PGBD5: variants seen among roughly 807,000 people sequenced by gnomAD.
PGBD5 encodes piggyBac transposable element-derived protein 5.
In PGBD5, 14 loss-of-function variants were observed where a neutral mutation model predicts 47.9. The observed-to-expected ratio is 0.29, with a 90% CI of 0.19 to 0.46. PGBD5 has a LOEUF of 0.46. PGBD5 is among the 20% of genes least tolerant of loss of function. The pLI, the probability that PGBD5 is intolerant of heterozygous loss-of-function variation, is 1.00. For missense variants in PGBD5, 635 were observed against 716.0 expected, an observed-to-expected ratio of 0.89 and a Z score of 1.29; for synonymous variants, 316 against 306.3, an observed-to-expected ratio of 1.03 and a Z score of -0.33.
intron 1 of PGBD5, among the ~76,000 whole-genome samples, chr1:230,389,195 C>T (rs376455814): frequency 1.8e-4 from 27 of 146,460 alleles, no homozygotes; most frequent in African/African-American, 5.8e-4. Flanking sequence ...TTTTTTGATA[C>T]GGAGTTTCAC....
At chr1:230,386,774 A>T (rs896288897) in intron 1 of PGBD5, among the ~76,000 whole-genome samples, 1 of 152,194 alleles carries the variant, frequency 6.6e-6, no homozygotes, top group African/African-American at 2.4e-5. Flanking sequence ...ATATATTTAG[A>T]CATTATCTCT....
At position 230,318,149 on chromosome 1, in the gene PGBD5, T is replaced by C. The variant is rs1046076643; in HGVS notation, c.*5276A>G. The stretch of plus-strand genomic sequence containing the variant: ...AGGGAGGGACACAGAGATGGCTAAA[T>C]GGCAGCGAGCTGCGTGGCCAGAGGG... On this transcript the variant is annotated 3_prime_UTR_variant, in exon 7 of 7. Transcript: ENST00000391860. 1 of 152,284 alleles carries C rather than the reference T, an allele frequency of 6.6e-6. No individual in the cohort carries two copies. The highest frequency in any genetic ancestry group is 2.4e-5 in the African/African-American group (1 of 41,462). 9.4% of individuals were successfully genotyped at this position (152,284 alleles called of 1,614,324 possible).
intron 1 of PGBD5, among the ~76,000 whole-genome samples, chr1:230,415,204 G>A (rs2102752370): frequency 6.6e-6 from 1 of 151,896 alleles, no homozygotes; most frequent in East Asian, 1.9e-4. Flanking sequence ...GAGCCCAGGA[G>A]TTCAAGGCTG....
chr1:230,401,502 C>T (rs981684217), intron 1 of PGBD5, among the ~76,000 whole-genome samples: 5 of 152,182 alleles, frequency 3.3e-5, no homozygotes, highest in African/African-American at 1.2e-4. Context: ...ATCCGAGAAA[C>T]GACCCTTGAG....
At chr1:230,385,315 T>A (rs890158604) in intron 1 of PGBD5, among the ~76,000 whole-genome samples, 1 of 152,250 alleles carries the variant, frequency 6.6e-6, no homozygotes, top group African/African-American at 2.4e-5. Context: ...AGTAATTGCC[T>A]TGTTTTTTAA....
At chr1:230,335,774 G>C (rs1174951911) in intron 4 of PGBD5, among the ~76,000 whole-genome samples, 16 of 214 alleles carry the variant, frequency 0.075, 2 homozygotes, top group African/African-American at 0.16. Flanking sequence ...GATACAGACA[G>C]ACACACACAC....
intron 2 of PGBD5, among the ~76,000 whole-genome samples, chr1:230,355,484 C>A (rs1426749591): frequency 6.6e-6 from 1 of 152,230 alleles, no homozygotes; most frequent in East Asian, 1.9e-4. Context: ...TGCATCCAGG[C>A]AATCGTCTCT....
At position 230,323,415 on chromosome 1, in the gene PGBD5, G is replaced by GCCC. The variant is rs761903194; in HGVS notation, c.*7_*9dup. On this transcript the variant is annotated 3_prime_UTR_variant, in exon 7 of 7. Transcript: ENST00000391860. This position sits in a 1 kb window ranked among gnomAD's most constrained non-coding sequence, Gnocchi z 4.1. Reference sequence around the variant, plus strand: ...TGCCCCTCCCTTGACCGAGTCCTGCGCCCCCAGCATCAGTGGGTCGGAGAG... The same window carrying GCCC: ...TGCCCCTCCCTTGACCGAGTCCTGCGCCCCCCCCAGCATCAGTGGGTCGGAGAG... The GCCC allele has an allele frequency of 6.2e-7, 1 of 1,610,474 alleles. No individual in the cohort carries two copies. Among genetic ancestry groups the GCCC allele is most frequent in the East Asian group, 2.2e-5 (1 of 44,852 alleles).
chr1:230,327,791 A>G (rs10864742), intron 5 of PGBD5, among the ~76,000 whole-genome samples: 125,071 of 152,260 alleles, frequency 0.82, 51,507 homozygotes, highest in East Asian at 0.91. Context: ...CCTCCTGAGG[A>G]TTCCTGTCCC....
intron 5 of PGBD5, among the ~76,000 whole-genome samples, chr1:230,330,203 G>A (rs1218046977): frequency 3.3e-5 from 5 of 152,104 alleles, no homozygotes; most frequent in Non-Finnish European, 5.9e-5. Context: ...TAAAATCTGG[G>A]GGCATCTTCA....
intron 1 of PGBD5, among the ~76,000 whole-genome samples, chr1:230,396,559 G>GCCCCCCCC (rs61206058): frequency 8.5e-4 from 100 of 117,534 alleles, no homozygotes; most frequent in African/African-American, 1.5e-3. Flanking sequence ...ACATTTTGTT[G>GCCCCCCCC]CCCCCCCTCC....
rs900112981 is a variant in PGBD5 at position 230,317,486 on chromosome 1, A to G, written c.*5939T>C. On this transcript the variant is annotated 3_prime_UTR_variant, in exon 7 of 7. Transcript: ENST00000391860. Reference sequence around the variant, plus strand: ...AAATGCTCCATGTGCATTAACTGTCACTCTTTAGTCCAGCGAGGCTTGGGT... The same window carrying G: ...AAATGCTCCATGTGCATTAACTGTCGCTCTTTAGTCCAGCGAGGCTTGGGT... The G allele has an allele frequency of 1.3e-5, 2 of 152,106 alleles. No homozygotes were observed. 9.4% of individuals were successfully genotyped at this position (152,106 alleles called of 1,614,324 possible). A position where few individuals can be genotyped will look rare whatever the true frequency, so the allele number is the denominator to read the frequency against.
intron 1 of PGBD5, among the ~76,000 whole-genome samples, chr1:230,363,554 C>T (rs1186387891): frequency 2.0e-5 from 3 of 151,830 alleles, no homozygotes; most frequent in East Asian, 1.9e-4. Flanking sequence ...TGCACTCCAG[C>T]CTGGGTGACA....
intron 1 of PGBD5, among the ~76,000 whole-genome samples, chr1:230,421,428 G>T (rs896038902): frequency 6.6e-6 from 1 of 152,212 alleles, no homozygotes; most frequent in Non-Finnish European, 1.5e-5. Context: ...AGTCTGACTA[G>T]TTAGATGGTG....
intron 3 of PGBD5, among the ~76,000 whole-genome samples, chr1:230,338,624 C>T (rs1027762833): frequency 1.3e-5 from 2 of 152,120 alleles, no homozygotes; most frequent in African/African-American, 4.8e-5. Context: ...CATGGTGAAA[C>T]CCCGTCTCTA....
intron 1 of PGBD5, among the ~76,000 whole-genome samples, chr1:230,406,034 C>T (rs903312420): frequency 3.3e-5 from 5 of 152,162 alleles, no homozygotes; most frequent in African/African-American, 1.2e-4. Flanking sequence ...GTTGGCTGGG[C>T]ACAGTGGCTC....
rs1345376749 is a variant in PGBD5, at chr1:230,319,558, G to A, written c.*3867C>T. 1.3e-5 allele frequency: 2 copies of A among 152,200 alleles called. No homozygotes were observed. The highest frequency in any genetic ancestry group is 6.5e-5 in the Admixed American group (1 of 15,278). The allele number at this position is 152,200 out of a possible 1,614,324, so 9.4% of individuals were successfully genotyped here. A position where few individuals can be genotyped will look rare whatever the true frequency, so the allele number is the denominator to read the frequency against. On this transcript the variant is annotated 3_prime_UTR_variant, in exon 7 of 7. Coordinates refer to ENST00000391860, the MANE Select transcript of PGBD5 (RefSeq NM_001258311.2). ...GCTTGGTGACCCCCCCTCACTGTTG[G>A]GGGGGCTGAGCCTGGGTCCCTGGGG...
rs1429762410 is a variant in PGBD5, at chr1:230,323,693, C to G, written c.1380-73G>C. On this transcript the variant is annotated intron_variant, in intron 6 of 6. Transcript: ENST00000391860. This position sits in a 1 kb window ranked among gnomAD's most constrained non-coding sequence, Gnocchi z 4.1. ...CCGGAGATGCATCCCAAAGGCCCCC[C>G]CTCACCACAGCCCGTGAGACGCTGC... is the stretch of plus-strand genomic sequence containing the variant. The G allele has an allele frequency of 2.8e-6, 4 of 1,444,842 alleles. No individual in the cohort carries two copies. Among genetic ancestry groups the G allele is most frequent in the Non-Finnish European group, 3.8e-6 (4 of 1,051,482 alleles). The allele number at this position is 1,444,842 out of a possible 1,614,324, so 89.5% of individuals were successfully genotyped here.
rs544333420 is a variant in PGBD5, at chr1:230,337,442, G to A, written c.895-154C>T. ...TCTTTTCAGCTCACAGGGACTCTAG[G>A]TCACCCCCAAGCACACCCCGTGGCC... is the stretch of plus-strand genomic sequence containing the variant. On this transcript the variant is annotated intron_variant, in intron 3 of 6. Coordinates refer to ENST00000391860, the MANE Select transcript of PGBD5 (RefSeq NM_001258311.2). Among the ~76,000 whole-genome samples, 54 of 152,184 alleles carry A rather than the reference G, an allele frequency of 3.5e-4. 1 individual carries two copies. In the South Asian group the frequency reaches 0.011, roughly 32 times the overall value.
Sources: allele counts gnomAD v4.1 joint callset (sites outside exome capture counted in the v4.1 genomes callset), GRCh38; gene constraint gnomAD v4.1.1; non-coding constraint Gnocchi (gnomAD v3.1); transcripts MANE v1.5; gene names NCBI Gene and HGNC (gene_info 2026-07-23, HGNC 2026-07-21).